The following HS6ST3 variants were observed in gnomAD, a reference collection of about 807,000 sequenced individuals.
HS6ST3 encodes the protein heparan-sulfate 6-O-sulfotransferase 3.
In HS6ST3, 12 loss-of-function variants were observed where a neutral mutation model predicts 36.7. The observed-to-expected ratio is 0.33, with a 90% CI of 0.21 to 0.53. The LOEUF (loss-of-function observed/expected upper bound fraction) is 0.53, where lower values mean the gene tolerates loss of function less well. Ranked by LOEUF, HS6ST3 falls within the 20% of genes least tolerant of loss-of-function variation. The pLI is 0.95. For missense variants in HS6ST3, 584 were observed against 640.9 expected (o/e 0.91, Z 0.96); for synonymous variants, 240 against 257.5 (o/e 0.93, Z 0.65).
chr13:96,810,123 A>G (rs7322056), intron 1 of HS6ST3, among the ~76,000 whole-genome samples: 5,980 of 152,244 alleles, frequency 0.039, 385 homozygotes, highest in African/African-American at 0.13. Context: ...AATGTGGTTT[A>G]GACCCAGAGG....
chr13:96,813,382 G>C (rs932591493), intron 1 of HS6ST3, among the ~76,000 whole-genome samples: 1 of 152,064 alleles, frequency 6.6e-6, no homozygotes, highest in Non-Finnish European at 1.5e-5. Context: ...CGCCATCTGC[G>C]TACCCCACCA....
chr13:96,801,606 T>C (rs1167790771), intron 1 of HS6ST3, among the ~76,000 whole-genome samples: 1 of 152,090 alleles, frequency 6.6e-6, no homozygotes, highest in East Asian at 1.9e-4. Flanking sequence ...CCTTATGAGA[T>C]AGTGGCTGTT....
chr13:96,130,273 C>T (rs992824950), intron 1 of HS6ST3, among the ~76,000 whole-genome samples: 13 of 152,016 alleles, frequency 8.6e-5, no homozygotes, highest in African/African-American at 1.7e-4. Flanking sequence ...AAAGGGCATG[C>T]GTGTGGTGCT....
At chr13:96,668,826 C>T (rs2056673841) in intron 1 of HS6ST3, among the ~76,000 whole-genome samples, 1 of 145,674 alleles carries the variant, frequency 6.9e-6, no homozygotes. Context: ...GAAATCCTTG[C>T]ACATTAGTCT....
intron 1 of HS6ST3, among the ~76,000 whole-genome samples, chr13:96,435,579 TG>T (rs1309952780): frequency 5.3e-5 from 8 of 152,194 alleles, no homozygotes; most frequent in Non-Finnish European, 1.2e-4. Flanking sequence ...CCAACTAATC[TG>T]TAAGTCTCCC....
chr13:96,724,628 A>G (rs1169391031), intron 1 of HS6ST3, among the ~76,000 whole-genome samples: 3 of 151,708 alleles, frequency 2.0e-5, no homozygotes, highest in Non-Finnish European at 4.4e-5. Flanking sequence ...TAAAATATAT[A>G]CTCTTGAGGG....
rs201778779 is a variant in HS6ST3 at position 96,833,245 on chromosome 13, T to C, written c.*47T>C. 73 of 1,420,890 alleles carry C rather than the reference T, an allele frequency of 5.1e-5. 2 individuals carry two copies. In the Admixed American group the frequency reaches 1.5e-3, roughly 29 times the overall value. 88.0% of individuals were successfully genotyped at this position (1,420,890 alleles called of 1,614,324 possible). ...AGGAGGGGGAGGGTGAGCAGGCACATTGACTTTCTGTTGAGGTACCTTGGA... is the reference window on the plus strand; with the variant it reads ...AGGAGGGGGAGGGTGAGCAGGCACACTGACTTTCTGTTGAGGTACCTTGGA... On this transcript the variant is annotated 3_prime_UTR_variant, in exon 2 of 2. Transcript: ENST00000376705.
intron 1 of HS6ST3, among the ~76,000 whole-genome samples, chr13:96,256,915 A>T (rs1239499266): frequency 3.9e-5 from 6 of 152,172 alleles, no homozygotes; most frequent in Admixed American, 3.3e-4. Context: ...GGAATCTTGA[A>T]TGGTCCTAGG....
At chr13:96,232,148 G>A (rs769394731) in intron 1 of HS6ST3, among the ~76,000 whole-genome samples, 2 of 152,146 alleles carry the variant, frequency 1.3e-5, no homozygotes, top group Non-Finnish European at 2.9e-5. Context: ...GGATTGTTAC[G>A]AAATTATGTT....
At chr13:96,776,950 C>G (rs1303234453) in intron 1 of HS6ST3, among the ~76,000 whole-genome samples, 2 of 152,122 alleles carry the variant, frequency 1.3e-5, no homozygotes, top group Non-Finnish European at 2.9e-5. Flanking sequence ...CAGTAAAATA[C>G]TGGCAAACCA....
intron 1 of HS6ST3, among the ~76,000 whole-genome samples, chr13:96,669,200 T>C (rs117886646): frequency 0.017 from 2,596 of 152,278 alleles, 35 homozygotes; most frequent in Non-Finnish European, 0.025. Flanking sequence ...AAACCCTATA[T>C]GGATATTGAG....
intron 1 of HS6ST3, among the ~76,000 whole-genome samples, chr13:96,318,751 G>A (rs539320680): frequency 1.3e-5 from 2 of 152,126 alleles, no homozygotes; most frequent in Admixed American, 6.5e-5. Flanking sequence ...TGATCTGTGT[G>A]TCTGTGTTTG....
chr13:96,784,904 A>C (rs1257237637), intron 1 of HS6ST3, among the ~76,000 whole-genome samples: 1 of 152,100 alleles, frequency 6.6e-6, no homozygotes, highest in East Asian at 1.9e-4. Context: ...ACAGTGGCTC[A>C]CTCCTGCGAT....
In HS6ST3 at chr13:96,830,447, G is replaced by A. The variant is rs1924579; in HGVS notation, c.708-2043G>A. On this transcript the variant is annotated intron_variant, in intron 1 of 1. Transcript: ENST00000376705. ...ATTTGAAAAACTATGACAATGCAGT[G>A]GTAATCAAAAGTCATTCCTCAATAG... Among the ~76,000 whole-genome samples, 184 of 152,226 alleles carry A rather than the reference G, an allele frequency of 1.2e-3. 1 individual carries two copies. The highest frequency in any genetic ancestry group is 4.2e-3 in the African/African-American group (176 of 41,554).
chr13:96,581,542 G>A lies in HS6ST3; in HGVS notation c.708-250948G>A, dbSNP rs72642780. 4.0e-3 allele frequency among the ~76,000 whole-genome samples: 605 copies of A among 152,100 alleles called. 6 individuals are homozygous for A. The highest frequency in any genetic ancestry group is 6.8e-3 in the Admixed American group (104 of 15,254). ...TGGCCAACAACTACTTTTTGAGTCC[G>A]TTTTTGGATGATCAGCACTGCCGGA... On this transcript the variant is annotated intron_variant, in intron 1 of 1. Transcript: ENST00000376705.
At chr13:96,420,200 G>T (rs1285774223) in intron 1 of HS6ST3, among the ~76,000 whole-genome samples, 1 of 152,122 alleles carries the variant, frequency 6.6e-6, no homozygotes, top group South Asian at 2.1e-4. Flanking sequence ...CTTCATTCTG[G>T]CTGGGCAGGG....
At chr13:96,323,985 C>T (rs1348461306) in intron 1 of HS6ST3, among the ~76,000 whole-genome samples, 3 of 152,106 alleles carry the variant, frequency 2.0e-5, no homozygotes, top group Non-Finnish European at 2.9e-5. Context: ...TTATTATAAC[C>T]TACCTCTTCC....
At chr13:96,578,814 C>T (rs547015062) in intron 1 of HS6ST3, among the ~76,000 whole-genome samples, 31 of 152,206 alleles carry the variant, frequency 2.0e-4, no homozygotes, top group East Asian at 3.9e-4. Flanking sequence ...CCACCGGGCC[C>T]GGCCAGTAGC....
intron 1 of HS6ST3, among the ~76,000 whole-genome samples, chr13:96,472,579 A>G (rs1012231523): frequency 1.3e-5 from 2 of 152,118 alleles, no homozygotes; most frequent in African/African-American, 2.4e-5. Context: ...TGTCTCCAGC[A>G]TTGTACTTAT....
Sources: gnomAD v4.1 joint callset for allele counts (sites outside exome capture counted in the v4.1 genomes callset) on GRCh38, gnomAD v4.1.1 for gene constraint, MANE v1.5 for transcripts, NCBI Gene and HGNC (gene_info 2026-07-23, HGNC 2026-07-21) for gene names.